The following NELL2 variants were observed in gnomAD, a reference collection of about 807,000 sequenced individuals.
NELL2 encodes the protein neural EGFL like 2, also known as protein kinase C-binding protein NELL2.
A neutral mutation model predicts 109.6 loss-of-function variants in NELL2; 41 were observed. That is an observed-to-expected ratio of 0.37 (90% CI 0.29 to 0.49). NELL2 has a LOEUF of 0.49. Ranked by LOEUF, NELL2 falls within the 20% of genes least tolerant of loss-of-function variation. NELL2 has a pLI of 0.98. For synonymous variants in NELL2, 355 were observed against 344.7 expected (o/e 1.03, Z -0.33); for missense variants, 900 against 1,008.3 (o/e 0.89, Z 1.45).
intron 1 of NELL2, among the ~76,000 whole-genome samples, chr12:44,921,423 T>C (rs1431461256): frequency 6.6e-6 from 1 of 152,162 alleles, no homozygotes; most frequent in Non-Finnish European, 1.5e-5. Flanking sequence ...AGTAACTACG[T>C]AGGCGGTATA....
At chr12:44,709,026 T>C (rs926477396) in intron 11 of NELL2, among the ~76,000 whole-genome samples, 1 of 152,190 alleles carries the variant, frequency 6.6e-6, no homozygotes, top group African/African-American at 2.4e-5. Flanking sequence ...CTTGATATCT[T>C]AAAGGCCCTA....
chr12:44,824,797 G>T (rs532688977), intron 2 of NELL2, among the ~76,000 whole-genome samples: 1 of 148,422 alleles, frequency 6.7e-6, no homozygotes, highest in Non-Finnish European at 1.5e-5. Context: ...CGCAAGCTCC[G>T]CCTCCCGGGT....
chr12:44,748,567 T>G (rs1449213885), intron 9 of NELL2, among the ~76,000 whole-genome samples: 1 of 152,176 alleles, frequency 6.6e-6, no homozygotes, highest in Non-Finnish European at 1.5e-5. Flanking sequence ...TCATGATCAC[T>G]ATACCTATAA....
At chr12:44,834,247 C>A (rs1228728037) in intron 2 of NELL2, among the ~76,000 whole-genome samples, 5 of 152,108 alleles carry the variant, frequency 3.3e-5, no homozygotes, top group Non-Finnish European at 7.3e-5. Context: ...CATATCTGTA[C>A]AATCTCATTC....
At chr12:44,722,612 G>A (rs1214323041) in intron 9 of NELL2, among the ~76,000 whole-genome samples, 1 of 152,150 alleles carries the variant, frequency 6.6e-6, no homozygotes, top group African/African-American at 2.4e-5. Context: ...TACAAGGGTG[G>A]AAATGGAAAT....
intron 9 of NELL2, among the ~76,000 whole-genome samples, chr12:44,720,989 G>A (rs1174079182): frequency 6.6e-6 from 1 of 152,148 alleles, no homozygotes; most frequent in African/African-American, 2.4e-5. Context: ...GGGTTAGGAG[G>A]CAAAGGAGGA....
intron 19 of NELL2, among the ~76,000 whole-genome samples, chr12:44,518,873 T>C (rs1233293102): frequency 2.0e-5 from 3 of 152,232 alleles, no homozygotes; most frequent in Non-Finnish European, 4.4e-5. Context: ...CTTTTAGTAA[T>C]AGTAACTTTT....
chr12:44,749,702 A>T (rs144657875), intron 9 of NELL2, among the ~76,000 whole-genome samples: 119 of 152,266 alleles, frequency 7.8e-4, no homozygotes, highest in African/African-American at 2.7e-3. Flanking sequence ...GGAGGAAAGG[A>T]GAGGGGTCTA....
At chr12:44,780,363 A>C (rs1410454218) in intron 3 of NELL2, among the ~76,000 whole-genome samples, 1 of 152,026 alleles carries the variant, frequency 6.6e-6, no homozygotes, top group Non-Finnish European at 1.5e-5. Context: ...GAACAAAGAA[A>C]GGATCAGTCT....
chr12:44,895,649 C>G (rs1468546138), intron 1 of NELL2, among the ~76,000 whole-genome samples: 1 of 152,086 alleles, frequency 6.6e-6, no homozygotes, highest in Non-Finnish European at 1.5e-5. Context: ...CAGGGAGATT[C>G]TAATTTGTAT....
intron 3 of NELL2, among the ~76,000 whole-genome samples, chr12:44,787,845 TG>T (rs1229256720): frequency 6.6e-6 from 1 of 152,048 alleles, no homozygotes; most frequent in Non-Finnish European, 1.5e-5. Flanking sequence ...AAATCTAAAA[TG>T]TAAGACTGTT....
intron 3 of NELL2, among the ~76,000 whole-genome samples, chr12:44,806,533 T>C (rs967024279): frequency 6.6e-6 from 1 of 151,862 alleles, no homozygotes; most frequent in Admixed American, 6.6e-5. Context: ...AATCTATATC[T>C]ATATATCTAG....
chr12:44,710,082 TGA>T (rs1422130295), intron 11 of NELL2, among the ~76,000 whole-genome samples: 33 of 152,274 alleles, frequency 2.2e-4, no homozygotes, highest in African/African-American at 7.9e-4. Flanking sequence ...TCACATAAAA[TGA>T]GATTTAAAAA....
At chr12:44,733,873 C>A (rs1040059684) in intron 9 of NELL2, among the ~76,000 whole-genome samples, 28 of 152,084 alleles carry the variant, frequency 1.8e-4, no homozygotes, top group Middle Eastern at 3.4e-3. Context: ...ATACAGCATA[C>A]TCTGTATAAT....
In NELL2 at chr12:44,587,521, T is replaced by A. The variant is rs368898704; in HGVS notation, c.1663+19648A>T. ...CAAGGGAATGATTTGTGATGGTGCA[T>A]CTTTTCTATTAATGTCTAATAATGC... On this transcript the variant is annotated intron_variant, in intron 15 of 19. Coordinates refer to ENST00000429094, the MANE Select transcript of NELL2 (RefSeq NM_001145108.2). Among the ~76,000 whole-genome samples, 6 of 152,112 alleles carry A rather than the reference T, an allele frequency of 3.9e-5. No homozygotes were observed. The South Asian group carries it at 1.2e-3, about 32-fold the overall frequency.
intron 15 of NELL2, among the ~76,000 whole-genome samples, chr12:44,598,854 T>TACACACACACACACACAC (rs754118280): frequency 0.021 from 2,505 of 118,010 alleles, 38 homozygotes; most frequent in East Asian, 0.057. Context: ...AAGAAAGAAA[T>TACACACACACACACACAC]ACACACACAC....
chr12:44,875,638 G>T (rs1312945093), intron 1 of NELL2, 177 bp downstream of exon 1: 2 of 1,603,842 alleles, frequency 1.2e-6, no homozygotes, highest in African/African-American at 2.7e-5. Flanking sequence ...CCGCCTCGCG[G>T]TCTCCAAGGC....
intron 15 of NELL2, among the ~76,000 whole-genome samples, chr12:44,569,579 T>C (rs1388052605): frequency 1.3e-5 from 2 of 152,312 alleles, no homozygotes; most frequent in Admixed American, 6.5e-5. Context: ...AGTTTATAAA[T>C]GGCTCTGTTT....
chr12:44,735,087 A>G (rs998846076), intron 9 of NELL2, among the ~76,000 whole-genome samples: 15 of 152,026 alleles, frequency 9.9e-5, no homozygotes, highest in African/African-American at 3.6e-4. Context: ...TTTTGTCTTC[A>G]ATTTTTCTGA....
Sources: allele counts gnomAD v4.1 joint callset (sites outside exome capture counted in the v4.1 genomes callset), GRCh38; gene constraint gnomAD v4.1.1; transcripts MANE v1.5; gene names NCBI Gene and HGNC (gene_info 2026-07-23, HGNC 2026-07-21).